SLC26A5: variants seen among roughly 807,000 people sequenced by gnomAD.
SLC26A5 encodes the protein prestin.
SLC26A5 carries 51 observed loss-of-function variants against 81.0 expected under a neutral mutation model. The observed-to-expected ratio is 0.63, with a 90% CI of 0.50 to 0.80. The LOEUF is 0.80. SLC26A5 is among the 30% of genes least tolerant of loss of function. The pLI is 0.00. For synonymous variants in SLC26A5, 325 were observed against 332.8 expected, an observed-to-expected ratio of 0.98 and a Z score of 0.25; for missense variants, 771 against 905.8, an observed-to-expected ratio of 0.85 and a Z score of 1.91.
chr7:103,442,901 C>T (rs1463470737), intron 2 of SLC26A5, among the ~76,000 whole-genome samples, 182 bp downstream of exon 2: 1 of 152,150 alleles, frequency 6.6e-6, no homozygotes, highest in South Asian at 2.1e-4. Flanking sequence ...TGATCCTGAT[C>T]CAAGTTAAAA....
At chr7:103,387,011 C>T (rs1822246949) in intron 14 of SLC26A5, among the ~76,000 whole-genome samples, 1 of 152,124 alleles carries the variant, frequency 6.6e-6, no homozygotes, top group African/African-American at 2.4e-5. Context: ...ATCTGCCTGC[C>T]TCAGTCTTCC....
At chr7:103,389,845 C>T (rs1222392198) in intron 12 of SLC26A5, among the ~76,000 whole-genome samples, 1 of 152,114 alleles carries the variant, frequency 6.6e-6, no homozygotes, top group African/African-American at 2.4e-5. Flanking sequence ...CCAGGCTGGT[C>T]TCGAACTCCT....
chr7:103,426,084 T>G (rs960346972), intron 2 of SLC26A5, among the ~76,000 whole-genome samples: 1 of 152,218 alleles, frequency 6.6e-6, no homozygotes, highest in East Asian at 1.9e-4. Context: ...TACTTATGTG[T>G]GTCTGCAAAA....
chr7:103,397,403 T>G (rs970761868), intron 9 of SLC26A5, among the ~76,000 whole-genome samples: 1 of 151,234 alleles, frequency 6.6e-6, no homozygotes, highest in Non-Finnish European at 1.5e-5. Context: ...CAGCCGGGCG[T>G]GGTGGCGGGT....
intron 9 of SLC26A5, among the ~76,000 whole-genome samples, chr7:103,395,669 C>T (rs1019895066): frequency 6.6e-6 from 1 of 150,926 alleles, no homozygotes; most frequent in African/African-American, 2.4e-5. Context: ...TACAGGCACC[C>T]GCCACCATGC....
chr7:103,423,882 T>C (rs1825536985), intron 2 of SLC26A5, among the ~76,000 whole-genome samples: 1 of 152,232 alleles, frequency 6.6e-6, no homozygotes, highest in Non-Finnish European at 1.5e-5. Context: ...AAAGATGATA[T>C]GTTTTTTGTT....
At chr7:103,390,845 T>C (rs1033589141) in intron 11 of SLC26A5, among the ~76,000 whole-genome samples, 1 of 151,460 alleles carries the variant, frequency 6.6e-6, no homozygotes, top group Non-Finnish European at 1.5e-5. Context: ...TGGGAGCCAG[T>C]AGCCACATGT....
In SLC26A5 at chr7:103,410,511, T is replaced by C. The variant is rs771114775; in HGVS notation, c.609A>G (p.Ile203Met). 2 of 1,614,094 alleles carry C rather than the reference T, an allele frequency of 1.2e-6. No individual in the cohort carries two copies. Among genetic ancestry groups the C allele is most frequent in the Non-Finnish European group, 1.7e-6 (2 of 1,180,014 alleles). Residue 203 changes from isoleucine to methionine, a missense_variant, in exon 7 of 20, where the codon ATA becomes ATG. By Grantham distance (10) the Ile-to-Met change is conservative. Coordinates refer to ENST00000306312, the MANE Select transcript of SLC26A5 (RefSeq NM_198999.3). ...CACGGACCAGAGGCTCTGTGAGATA[T>C]ATGGCCACAAATCCAAACCTACAGA... Reference protein sequence around the residue: ...LGVCRFGFVAIYLTEPLVRGF... With the variant: ...LGVCRFGFVAMYLTEPLVRGF...
intron 8 of SLC26A5, among the ~76,000 whole-genome samples, chr7:103,401,475 G>A (rs1823585201): frequency 6.6e-6 from 1 of 152,134 alleles, no homozygotes; most frequent in South Asian, 2.1e-4. Flanking sequence ...GATACGAAGG[G>A]TTTTTCTAAA....
In SLC26A5 at chr7:103,395,522, A is replaced by T. The variant is rs868435890; in HGVS notation, c.971+2410T>A. 8.1e-3 allele frequency among the ~76,000 whole-genome samples: 787 copies of T among 96,732 alleles called. 2 individuals are homozygous for T. Among genetic ancestry groups the T allele is most frequent in the Non-Finnish European group, 0.013 (631 of 48,528 alleles). The allele number at this position is 96,732 out of a possible 152,430, so 63.5% of individuals were successfully genotyped here. On this transcript the variant is annotated intron_variant, in intron 9 of 19. Transcript: ENST00000306312. ...GTATGTATATATATATATATATATA[A>T]ATTTTTTTTTTTTTTTTTGAGATGG...
At chr7:103,361,941 C>A (rs1428544807) in intron 19 of SLC26A5, 1 of 1,592,990 alleles carries the variant, frequency 6.3e-7, no homozygotes, top group Non-Finnish European at 8.5e-7. Context: ...TCTAATCAAG[C>A]TTTTTGCTGT....
At chr7:103,377,402 C>T (rs1164722490) in intron 18 of SLC26A5, among the ~76,000 whole-genome samples, 197 bp downstream of exon 18, 1 of 152,138 alleles carries the variant, frequency 6.6e-6, no homozygotes, top group Non-Finnish European at 1.5e-5. Flanking sequence ...ATAAATTGAT[C>T]ATTGTTGAAG....
At chr7:103,420,680 G>C in intron 4 of SLC26A5, 58 bp downstream of exon 4, 1 of 1,601,684 alleles carries the variant, frequency 6.2e-7, no homozygotes, top group Non-Finnish European at 8.5e-7. Context: ...GAAATAAACA[G>C]AAGGTCAAGC....
At chr7:103,390,322 G>T (rs1164060066) in intron 12 of SLC26A5, 107 bp downstream of exon 12, 10 of 1,024,102 alleles carry the variant, frequency 9.8e-6, no homozygotes, top group African/African-American at 1.6e-5. Flanking sequence ...ACCATCCTGT[G>T]AGGGTTACAG....
chr7:103,370,793 T>A (rs1425917161), downstream of SLC26A5, among the ~76,000 whole-genome samples: 1 of 152,204 alleles, frequency 6.6e-6, no homozygotes, highest in African/African-American at 2.4e-5. Context: ...CAACGATTCA[T>A]GAGACATAGA....
chr7:103,440,021 T>A lies in SLC26A5; in HGVS notation c.-54+3062A>T, dbSNP rs75122496. 7.2e-3 allele frequency among the ~76,000 whole-genome samples: 1,092 copies of A among 152,308 alleles called. 10 individuals carry two copies. Among genetic ancestry groups the A allele is most frequent in the African/African-American group, 0.025 (1,050 of 41,574 alleles). On this transcript the variant is annotated intron_variant, in intron 2 of 19. Transcript: ENST00000306312. ...TTTCAAAAATTTCACAGCCAACACC[T>A]CTACCATCTTCTTTCTAGATATATT...
rs377389437 is a variant in SLC26A5 at position 103,390,311 on chromosome 7, T to C, written c.1311+118A>G. ...TGGTCCTAGCCTTGGCCCTTTCTCA[T>C]ACCATCCTGTGAGGGTTACAGTAAA... On this transcript the variant is annotated intron_variant, in intron 12 of 19. Coordinates refer to ENST00000306312, the MANE Select transcript of SLC26A5 (RefSeq NM_198999.3). 102 of 965,774 alleles carry C rather than the reference T, an allele frequency of 1.1e-4. 1 individual carries two copies. The highest frequency in any genetic ancestry group is 4.1e-4 in the East Asian group (17 of 41,562). 59.8% of individuals were successfully genotyped at this position (965,774 alleles called of 1,614,324 possible). A position where few individuals can be genotyped will look rare whatever the true frequency, so the allele number is the denominator to read the frequency against.
At chr7:103,372,695 G>A (rs986881664), downstream of SLC26A5, among the ~76,000 whole-genome samples, 6 of 152,068 alleles carry the variant, frequency 3.9e-5, no homozygotes, top group African/African-American at 1.2e-4. Context: ...TATATGTGGG[G>A]GTTAGTTTTC....
At chr7:103,439,700 AT>A in intron 2 of SLC26A5, among the ~76,000 whole-genome samples, 1 of 151,834 alleles carries the variant, frequency 6.6e-6, no homozygotes, top group Non-Finnish European at 1.5e-5. Flanking sequence ...TGCCCACCTA[AT>A]TTTTGTGTTT....
Sources: allele counts gnomAD v4.1 joint callset (sites outside exome capture counted in the v4.1 genomes callset), GRCh38; gene constraint gnomAD v4.1.1; transcripts MANE v1.5; gene names NCBI Gene and HGNC (gene_info 2026-07-23, HGNC 2026-07-21).